The following ITGAV variants were observed in gnomAD, a reference collection of about 807,000 sequenced individuals.
The protein encoded by ITGAV is integrin subunit alpha V.
Under a neutral mutation model 143.8 loss-of-function variants are expected in ITGAV, and 76 were observed. That is an observed-to-expected ratio of 0.53 (90% CI 0.44 to 0.64). ITGAV has a LOEUF of 0.64. Ranked by LOEUF, ITGAV falls within the 30% of genes least tolerant of loss-of-function variation. The pLI is 0.00. For missense variants in ITGAV, 1,193 were observed against 1,274.7 expected, an observed-to-expected ratio of 0.94 and a Z score of 0.98; for synonymous variants, 453 against 446.7, an observed-to-expected ratio of 1.01 and a Z score of -0.18.
intron 24 of ITGAV, among the ~76,000 whole-genome samples, chr2:186,668,193 T>C (rs1489501431): frequency 6.2e-5 from 1 of 16,034 alleles, no homozygotes; most frequent in Non-Finnish European, 1.3e-4. Context: ...TACATATATA[T>C]ATATATATAT....
chr2:186,641,600 G>A lies in ITGAV; in HGVS notation c.1159+12G>A, dbSNP rs750953126. The stretch of plus-strand genomic sequence containing the variant: ...GGATGGTTTCAATGGTAAGATCAAA[G>A]TTTAGCAGCTACAGGTCCCTGATTA... On this transcript the variant is annotated intron_variant, in intron 12 of 29. Transcript: ENST00000261023. 20 of 1,610,298 alleles carry A rather than the reference G, an allele frequency of 1.2e-5. No individual in the cohort carries two copies. In the East Asian group the frequency reaches 4.2e-4, roughly 34 times the overall value.
At chr2:186,640,391 C>T (rs1688069053) in intron 10 of ITGAV, among the ~76,000 whole-genome samples, 1 of 152,196 alleles carries the variant, frequency 6.6e-6, no homozygotes, top group African/African-American at 2.4e-5. Flanking sequence ...CTTTCCATAT[C>T]TTTCCAAACA....
intron 2 of ITGAV, among the ~76,000 whole-genome samples, chr2:186,618,038 C>T (rs1687416514): frequency 6.6e-6 from 1 of 152,188 alleles, no homozygotes; most frequent in African/African-American, 2.4e-5. Context: ...AGGATAGCTG[C>T]CAGTTTCACC....
chr2:186,649,056 A>G (rs373267610), intron 13 of ITGAV, among the ~76,000 whole-genome samples: 27 of 138,028 alleles, frequency 2.0e-4, no homozygotes, highest in African/African-American at 6.9e-4. Context: ...ACACACATTT[A>G]CTTCTGTGAA....
chr2:186,640,138 T>G (rs528096170), intron 10 of ITGAV, among the ~76,000 whole-genome samples: 1 of 152,350 alleles, frequency 6.6e-6, no homozygotes, highest in East Asian at 1.9e-4. Flanking sequence ...ATTTAATCTG[T>G]CATCTCTTTT....
At chr2:186,592,132 A>C (rs1686630964) in intron 1 of ITGAV, among the ~76,000 whole-genome samples, 1 of 152,178 alleles carries the variant, frequency 6.6e-6, no homozygotes, top group South Asian at 2.1e-4. Context: ...GTCTTCAGTC[A>C]AAAATTAGCA....
chr2:186,632,084 A>C (rs1299481324), intron 5 of ITGAV, among the ~76,000 whole-genome samples: 1 of 152,038 alleles, frequency 6.6e-6, no homozygotes, highest in Non-Finnish European at 1.5e-5. Flanking sequence ...TTTTTTTTCT[A>C]GACTAGGTAC....
At chr2:186,639,326 G>T (rs1688039718) in intron 10 of ITGAV, among the ~76,000 whole-genome samples, 5 of 152,162 alleles carry the variant, frequency 3.3e-5, no homozygotes, top group Admixed American at 3.3e-4. Context: ...AGTTGAGATT[G>T]TTGGGCTTTG....
intron 2 of ITGAV, among the ~76,000 whole-genome samples, chr2:186,615,236 G>A (rs1687319406): frequency 6.6e-6 from 1 of 151,980 alleles, no homozygotes; most frequent in African/African-American, 2.4e-5. Context: ...TCTGCTTCTT[G>A]GCTATTATGA....
intron 2 of ITGAV, among the ~76,000 whole-genome samples, chr2:186,606,827 T>G (rs909331673): frequency 6.6e-6 from 1 of 152,086 alleles, no homozygotes; most frequent in Non-Finnish European, 1.5e-5. Context: ...AACCCAGCAG[T>G]GATTCTAACT....
Position 186,602,109 on chromosome 2 carries a change from T to A in ITGAV, c.274T>A (p.Ser92Thr). ...EGGQVLKCDW[S>T]STRRCQPIEF... ...AGGGCAGGTCCTCAAATGTGACTGG[T>A]CTTCTACCCGCCGGTGCCAGCCAAT... The change falls in exon 2 of 30, where the codon TCT becomes ACT. Residue 92 changes from serine to threonine, a missense_variant. Transcript: ENST00000261023. The A allele has an allele frequency of 6.2e-7, 1 of 1,613,036 alleles. No individual in the cohort carries two copies. The highest frequency in any genetic ancestry group is 8.5e-7 in the Non-Finnish European group (1 of 1,179,334).
chr2:186,619,111 T>TTA lies in ITGAV; in HGVS notation c.317-3212_317-3211dup, dbSNP rs35908821. Among the ~76,000 whole-genome samples the TTA allele has an allele frequency of 1.2e-3, 175 of 147,232 alleles. 3 individuals are homozygous for TTA. Among genetic ancestry groups the TTA allele is most frequent in the Middle Eastern group, 7.2e-3 (2 of 278 alleles). On this transcript the variant is annotated intron_variant, in intron 2 of 29. Transcript: ENST00000261023. ...TTATATACATTATATATAGTATATTTTATATATATATATATATTTAGTGTG... is the reference window on the plus strand; with the variant it reads ...TTATATACATTATATATAGTATATTTTATATATATATATATATATTTAGTGTG...
At chr2:186,614,637 T>C (rs1408013756) in intron 2 of ITGAV, among the ~76,000 whole-genome samples, 1 of 152,042 alleles carries the variant, frequency 6.6e-6, no homozygotes, top group African/African-American at 2.4e-5. Flanking sequence ...TTTTTTCATA[T>C]GCTTATTAGC....
At chr2:186,650,332 G>A (rs536813318) in intron 14 of ITGAV, among the ~76,000 whole-genome samples, 1 of 151,704 alleles carries the variant, frequency 6.6e-6, no homozygotes, top group African/African-American at 2.4e-5. Context: ...TCCCAAGTAG[G>A]TGGGGTTACA....
intron 20 of ITGAV, 42 bp downstream of exon 20, chr2:186,664,683 A>T: frequency 6.2e-7 from 1 of 1,611,932 alleles, no homozygotes; most frequent in Admixed American, 1.7e-5. Flanking sequence ...GCACTCACGG[A>T]TCTTATTAAC....
intron 4 of ITGAV, 86 bp downstream of exon 4, chr2:186,625,673 G>GTT: frequency 1.7e-6 from 1 of 572,226 alleles, no homozygotes; most frequent in Non-Finnish European, 3.1e-6. Context: ...GTGTGTGTGT[G>GTT]TGTGTGAGAG....
intron 4 of ITGAV, 124 bp from the exon 5 acceptor site, chr2:186,630,673 G>C: frequency 1.6e-6 from 1 of 612,818 alleles, no homozygotes; most frequent in Non-Finnish European, 3.0e-6. Flanking sequence ...AAGTGCCCGA[G>C]TGAATGACCA....
intron 4 of ITGAV, among the ~76,000 whole-genome samples, chr2:186,629,436 C>G (rs1275556257): frequency 2.0e-5 from 3 of 152,004 alleles, no homozygotes; most frequent in Non-Finnish European, 4.4e-5. Flanking sequence ...CCGACTTGCT[C>G]TAACTTGAGG....
intron 14 of ITGAV, 138 bp downstream of exon 14, chr2:186,650,023 T>TAGCAAATC: frequency 1.8e-6 from 1 of 566,000 alleles, no homozygotes; most frequent in Non-Finnish European, 3.0e-6. Context: ...CATGATTTGC[T>TAGCAAATC]ATGGGCAAAT....
Sources: allele counts gnomAD v4.1 joint callset (sites outside exome capture counted in the v4.1 genomes callset), GRCh38; gene constraint gnomAD v4.1.1; transcripts MANE v1.5; gene names NCBI Gene and HGNC (gene_info 2026-07-23, HGNC 2026-07-21).